Variants in UBAP2L observed in about 807,000 individuals in gnomAD.
UBAP2L encodes the protein ubiquitin-associated protein 2-like.
Under a neutral mutation model 130.6 loss-of-function variants are expected in UBAP2L, and 12 were observed. The observed-to-expected ratio is 0.09, with a 90% CI of 0.06 to 0.15. The LOEUF (loss-of-function observed/expected upper bound fraction) is 0.15, where lower values mean the gene tolerates loss of function less well. Ranked by LOEUF, UBAP2L falls within the 10% of genes least tolerant of loss-of-function variation. The probability of loss-of-function intolerance (pLI) is 1.00; values close to 1 mark genes in which losing one functional copy is unlikely to be tolerated. For synonymous variants in UBAP2L, 503 were observed against 524.7 expected (o/e 0.96, Z 0.57); for missense variants, 965 against 1,332.5 (o/e 0.72, Z 4.29).
intron 22 of UBAP2L, among the ~76,000 whole-genome samples, chr1:154,260,370 C>G (rs1681140565): frequency 6.6e-6 from 1 of 152,212 alleles, no homozygotes; most frequent in Non-Finnish European, 1.5e-5. Context: ...GACTTAGTTT[C>G]AAGCCATTTG....
chr1:154,248,190 C>T (rs1676235538), intron 11 of UBAP2L, among the ~76,000 whole-genome samples: 2 of 152,082 alleles, frequency 1.3e-5, no homozygotes, highest in African/African-American at 4.8e-5. Context: ...TGGTTTAGGA[C>T]TCCTGACCTA....
At position 154,266,227 on chromosome 1, in the gene UBAP2L, G is replaced by A. The variant is rs142194494; in HGVS notation, c.2903-274G>A. Among the ~76,000 whole-genome samples, 744 of 152,260 alleles carry A rather than the reference G, an allele frequency of 4.9e-3. 2 individuals carry two copies. The highest frequency in any genetic ancestry group is 5.8e-3 in the Non-Finnish European group (396 of 68,024). ...AGTGTTTTGAAAACAGTGTATGCTA[G>A]TGAGGTTTGGTCATATCCCCTTGCC... On this transcript the variant is annotated intron_variant, in intron 24 of 26. Transcript: ENST00000428931.
Position 154,266,484 on chromosome 1 carries a change from G to A in UBAP2L, c.2903-17G>A, listed in dbSNP as rs761691914. 6.2e-7 allele frequency: 1 copy of A among 1,614,026 alleles called. No homozygotes were observed. Among genetic ancestry groups the A allele is most frequent in the South Asian group, 1.1e-5 (1 of 91,078 alleles). ...GCTAGCTGAGCTAATCCTCCTGTCT[G>A]TTTCCTCCTCCCCCAGGTGTTTCAG... On this transcript the variant is annotated splice_polypyrimidine_tract_variant and intron_variant, in intron 24 of 26. Coordinates refer to ENST00000428931, the MANE Select transcript of UBAP2L (RefSeq NM_014847.4).
intron 4 of UBAP2L, among the ~76,000 whole-genome samples, chr1:154,233,312 G>T (rs1670485370): frequency 6.6e-6 from 1 of 151,274 alleles, no homozygotes; most frequent in South Asian, 2.1e-4. Flanking sequence ...ACCGCGCCTG[G>T]CCCTTTTTTT....
chr1:154,236,501 G>GC lies in UBAP2L; in HGVS notation c.545-64dup. 2.5e-6 allele frequency: 4 copies of GC among 1,577,576 alleles called. No individual in the cohort carries two copies. In the South Asian group the frequency reaches 4.4e-5, roughly 18 times the overall value. On this transcript the variant is annotated intron_variant, in intron 6 of 26. Coordinates refer to ENST00000428931, the MANE Select transcript of UBAP2L (RefSeq NM_014847.4). ...CACCGGGAGCCACTGTGCCTGCCTG[G>GC]CAAGGAAGTTTTATATCAACTTCTA...
At chr1:154,239,613 C>T (rs1672829158) in intron 8 of UBAP2L, among the ~76,000 whole-genome samples, 2 of 152,132 alleles carry the variant, frequency 1.3e-5, no homozygotes, top group Non-Finnish European at 2.9e-5. Flanking sequence ...CAGCCATGAC[C>T]GTATATCCTG....
In UBAP2L at chr1:154,270,776, T is replaced by TTG. The variant is rs1177226464; in HGVS notation, c.*482_*483insGT. The TTG allele has an allele frequency of 1.5e-4, 186 of 1,243,548 alleles. No homozygotes were observed. The highest frequency in any genetic ancestry group is 1.9e-4 in the Non-Finnish European group (184 of 989,610). The allele number at this position is 1,243,548 out of a possible 1,614,324, so 77.0% of individuals were successfully genotyped here. A position where few individuals can be genotyped will look rare whatever the true frequency, so the allele number is the denominator to read the frequency against. On this transcript the variant is annotated 3_prime_UTR_variant, in exon 27 of 27. Coordinates refer to ENST00000428931, the MANE Select transcript of UBAP2L (RefSeq NM_014847.4). ...TTGAAGTGGTTTTTTTTTTGTTTTT[T>TTG]TTTTTTTTTTGTACTGTGTCCTCAA...
chr1:154,232,297 A>G (rs1247755713), intron 4 of UBAP2L, among the ~76,000 whole-genome samples: 1 of 151,466 alleles, frequency 6.6e-6, no homozygotes, highest in Non-Finnish European at 1.5e-5. Flanking sequence ...GCACTCCAGC[A>G]TGGTGACAAA....
In UBAP2L at chr1:154,260,843, T is replaced by C. The variant is rs1326717788; in HGVS notation, c.2579-49T>C. On this transcript the variant is annotated intron_variant, in intron 22 of 26. Coordinates refer to ENST00000428931, the MANE Select transcript of UBAP2L (RefSeq NM_014847.4). ...TGAAATCAGAAGAGGTAATTCTGTA[T>C]TGGTATTGGGGTGAAAGAGGCAGGT... is the stretch of plus-strand genomic sequence containing the variant. The C allele has an allele frequency of 5.8e-6, 9 of 1,555,788 alleles. No individual in the cohort carries two copies. In the South Asian group the frequency reaches 8.9e-5, roughly 15 times the overall value.
In UBAP2L at chr1:154,259,821, A is replaced by C. The variant is rs1200529118; in HGVS notation, c.2497-127A>C. ...TGTGGAGTTTGTGCTAACTCTAGCC[A>C]GCTTAATTAGTGACTGGATAAATTG... On this transcript the variant is annotated intron_variant, in intron 21 of 26. Transcript: ENST00000428931. The C allele has an allele frequency of 7.8e-6, 8 of 1,020,980 alleles. No individual in the cohort carries two copies. The East Asian group carries it at 1.9e-4, about 24-fold the overall frequency. The allele number at this position is 1,020,980 out of a possible 1,614,324, so 63.2% of individuals were successfully genotyped here.
At chr1:154,236,656 A>G in intron 7 of UBAP2L, 45 bp downstream of exon 7, 1 of 1,608,108 alleles carries the variant, frequency 6.2e-7, no homozygotes, top group African/African-American at 1.3e-5. Context: ...TCCCTTAAAA[A>G]TTACTGTAGG....
intron 1 of UBAP2L, chr1:154,221,429 G>A (rs575440041): frequency 6.5e-6 from 1 of 153,056 alleles, no homozygotes; most frequent in East Asian, 1.9e-4. Flanking sequence ...GCCGGTGCCT[G>A]CGGAGGAGAG....
rs1469249324 is a variant in UBAP2L at position 154,270,358 on chromosome 1, A to C, written c.*63A>C. The C allele has an allele frequency of 6.2e-7, 1 of 1,607,662 alleles. No individual in the cohort carries two copies. Among genetic ancestry groups the C allele is most frequent in the Non-Finnish European group, 8.5e-7 (1 of 1,177,752 alleles). On this transcript the variant is annotated 3_prime_UTR_variant, in exon 27 of 27. Coordinates refer to ENST00000428931, the MANE Select transcript of UBAP2L (RefSeq NM_014847.4). The stretch of plus-strand genomic sequence containing the variant: ...GGGCTTCTCAGCCTGGAAACTATGG[A>C]AACAGCATCAAAGAGAAAGGAATGT...
intron 20 of UBAP2L, 116 bp from the exon 21 acceptor site, chr1:154,258,861 C>T (rs977442084): frequency 2.6e-6 from 2 of 783,604 alleles, no homozygotes; most frequent in African/African-American, 1.7e-5. Flanking sequence ...TAATCCGTGT[C>T]CTGTTCTAAC....
chr1:154,263,302 G>C, intron 24 of UBAP2L: 1 of 1,444,720 alleles, frequency 6.9e-7, no homozygotes, highest in Non-Finnish European at 9.1e-7. Context: ...TACCTTCTGG[G>C]CTTTTGAACT....
chr1:154,269,904 G>T (rs1225249151), intron 26 of UBAP2L, among the ~76,000 whole-genome samples: 4 of 152,102 alleles, frequency 2.6e-5, no homozygotes, highest in Non-Finnish European at 5.9e-5. Context: ...AAGAGCAGGG[G>T]AGAGAGGGGG....
At chr1:154,255,013 GAA>G in intron 16 of UBAP2L, 123 bp downstream of exon 16, 1 of 1,423,518 alleles carries the variant, frequency 7.0e-7, no homozygotes, top group East Asian at 2.3e-5. Context: ...CAGCATTAAA[GAA>G]AAAAGATTCT....
chr1:154,229,105 T>TTTTTATTTTATTTTA (rs57728113), intron 4 of UBAP2L, among the ~76,000 whole-genome samples: 1 of 151,722 alleles, frequency 6.6e-6, no homozygotes, highest in African/African-American at 2.4e-5. Context: ...TTTTTTTTTC[T>TTTTTATTTTATTTTA]TTTTATTTTA....
In UBAP2L at chr1:154,270,782, TTTTTG is replaced by T; in HGVS notation, c.*489_*493del. 1 of 1,327,646 alleles carries T rather than the reference TTTTTG, an allele frequency of 7.5e-7. No individual in the cohort carries two copies. Among genetic ancestry groups the T allele is most frequent in the Non-Finnish European group, 9.7e-7 (1 of 1,035,284 alleles). 82.2% of individuals were successfully genotyped at this position (1,327,646 alleles called of 1,614,324 possible). A position where few individuals can be genotyped will look rare whatever the true frequency, so the allele number is the denominator to read the frequency against. On this transcript the variant is annotated 3_prime_UTR_variant, in exon 27 of 27. Coordinates refer to ENST00000428931, the MANE Select transcript of UBAP2L (RefSeq NM_014847.4). ...TGGTTTTTTTTTTGTTTTTTTTTTT[TTTTTG>T]TACTGTGTCCTCAAATTTAATGGAT...
Sources: gnomAD v4.1 joint callset for allele counts (sites outside exome capture counted in the v4.1 genomes callset) on GRCh38, gnomAD v4.1.1 for gene constraint, MANE v1.5 for transcripts, NCBI Gene and HGNC (gene_info 2026-07-23, HGNC 2026-07-21) for gene names.